The following TMPRSS15 variants were observed in gnomAD, a reference collection of about 807,000 sequenced individuals.
TMPRSS15 encodes transmembrane serine protease 15.
Under a neutral mutation model 125.3 loss-of-function variants are expected in TMPRSS15, and 128 were observed. That is an observed-to-expected ratio of 1.02 (90% CI 0.89 to 1.18). The LOEUF is 1.18. Among genes scored for constraint, TMPRSS15 ranks in the 50% most tolerant of loss-of-function variants. The pLI, the probability that TMPRSS15 is intolerant of heterozygous loss-of-function variation, is 0.00. For missense variants in TMPRSS15, 1,283 were observed against 1,212.7 expected (o/e 1.06, Z -0.86); for synonymous variants, 446 against 423.2 (o/e 1.05, Z -0.66).
rs1471713892 is a variant in TMPRSS15, at chr21:18,478,757, C to T, written c.10+7042G>A. 3.3e-5 allele frequency among the ~76,000 whole-genome samples: 5 copies of T among 151,956 alleles called. No individual in the cohort carries two copies. The South Asian group carries it at 8.3e-4, about 25-fold the overall frequency. On this transcript the variant is annotated intron_variant, in intron 1 of 7. Transcript: ENST00000422787. Reference sequence around the variant, plus strand: ...TTATAGATTCTTGGAAAGAACATGTCAGAGGTGAAGCAATCTTCTCACATT... The same window carrying T: ...TTATAGATTCTTGGAAAGAACATGTTAGAGGTGAAGCAATCTTCTCACATT...
intron 16 of TMPRSS15, among the ~76,000 whole-genome samples, chr21:18,323,356 A>C (rs959466330): frequency 1.3e-5 from 2 of 152,188 alleles, no homozygotes; most frequent in African/African-American, 4.8e-5. Flanking sequence ...AAAGAGGAGA[A>C]AGGCACATCT....
Position 18,421,327 on chromosome 21 carries a change from T to C in TMPRSS15, c.11-22998A>G, listed in dbSNP as rs62215020. 1.4e-3 allele frequency among the ~76,000 whole-genome samples: 220 copies of C among 152,290 alleles called. 3 individuals carry two copies. Among genetic ancestry groups the C allele is most frequent in the Non-Finnish European group, 1.7e-3 (118 of 68,024 alleles). On this transcript the variant is annotated intron_variant, in intron 1 of 7. Coordinates refer to the TMPRSS15 transcript ENST00000422787. ...TTTGCATAGAGGTTGAAAGTATTGGTTCTGGGTCTAATTTTTTGAGCTAAA... is the reference window on the plus strand; with the variant it reads ...TTTGCATAGAGGTTGAAAGTATTGGCTCTGGGTCTAATTTTTTGAGCTAAA...
chr21:18,294,173 TG>T, intron 21 of TMPRSS15, 96 bp downstream of exon 21: 1 of 1,414,136 alleles, frequency 7.1e-7, no homozygotes, highest in Non-Finnish European at 9.9e-7. Flanking sequence ...AGGATTTCCC[TG>T]GTGGGATGGT....
At chr21:18,373,157 G>T (rs1380780579) in intron 5 of TMPRSS15, among the ~76,000 whole-genome samples, 1 of 151,746 alleles carries the variant, frequency 6.6e-6, no homozygotes, top group African/African-American at 2.4e-5. Context: ...GCCATCTGCT[G>T]GGTTTTCAAA....
At chr21:18,448,663 T>G (rs1263384970) in intron 1 of TMPRSS15, among the ~76,000 whole-genome samples, 1 of 152,050 alleles carries the variant, frequency 6.6e-6, no homozygotes, top group African/African-American at 2.4e-5. Flanking sequence ...ATGGAAACAG[T>G]GTTGTTATAT....
At position 18,295,301 on chromosome 21, in the gene TMPRSS15, T is replaced by G. The variant is rs576617687; in HGVS notation, c.2262-649A>C. 2.6e-5 allele frequency among the ~76,000 whole-genome samples: 4 copies of G among 152,334 alleles called. No homozygotes were observed. In the East Asian group the frequency reaches 7.7e-4, roughly 29 times the overall value. ...CTTTTTTCAGTGTCAAGAATTCCAT[T>G]TTAAACAAAAACTAAGCAAATTTGT... On this transcript the variant is annotated intron_variant, in intron 19 of 24. Coordinates refer to ENST00000284885, the MANE Select transcript of TMPRSS15 (RefSeq NM_002772.3).
intron 1 of TMPRSS15, among the ~76,000 whole-genome samples, chr21:18,412,899 T>A (rs1037155660): frequency 1.5e-4 from 23 of 152,298 alleles, no homozygotes; most frequent in African/African-American, 5.5e-4. Context: ...CATAATAACA[T>A]GTTCAGTTAA....
In TMPRSS15 at chr21:18,294,377, T is replaced by G; in HGVS notation, c.2379A>C (p.Glu793Asp). The change falls in exon 21 of 25, where the codon GAA (glutamate) becomes GAC (aspartate). Residue 793 changes from glutamate (E) to aspartate (D), a missense_variant. Glu to Asp is a conservative substitution (Grantham distance 45). Coordinates refer to ENST00000284885, the MANE Select transcript of TMPRSS15 (RefSeq NM_002772.3). Reference protein sequence around the residue: ...PKIVGGSNAKEGAWPWVVGLY... With the variant: ...PKIVGGSNAKDGAWPWVVGLY... ...GACCCACAACCCAGGGCCAGGCCCC[T>G]TCTTTGGCATTACTTCCTCCAACAA... 6.2e-7 allele frequency: 1 copy of G among 1,614,252 alleles called. No individual in the cohort carries two copies. Among genetic ancestry groups the G allele is most frequent in the Non-Finnish European group, 8.5e-7 (1 of 1,180,040 alleles).
At chr21:18,364,347 G>C (rs2075706603) in intron 7 of TMPRSS15, among the ~76,000 whole-genome samples, 1 of 152,016 alleles carries the variant, frequency 6.6e-6, no homozygotes. Flanking sequence ...CTCTGTTGGG[G>C]AAATATTCAG....
At chr21:18,363,449 T>TAAAGACA (rs1368384203) in intron 7 of TMPRSS15, among the ~76,000 whole-genome samples, 1 of 152,140 alleles carries the variant, frequency 6.6e-6, no homozygotes. Context: ...ACCCTCTAAA[T>TAAAGACA]GTGACCTGTC....
rs773161368 is a variant in TMPRSS15 at position 18,341,558 on chromosome 21, A to G, written c.1429-10T>C. The G allele has an allele frequency of 6.2e-7, 1 of 1,613,964 alleles. No homozygotes were observed. Among genetic ancestry groups the G allele is most frequent in the South Asian group, 1.1e-5 (1 of 91,078 alleles). ...AAGCATTAAAAGCAACCTGCAATTC[A>G]GAGAGGCATATGAAACGATTTGATT... On this transcript the variant is annotated splice_polypyrimidine_tract_variant and intron_variant, in intron 12 of 24. Transcript: ENST00000284885.
intron 1 of TMPRSS15, among the ~76,000 whole-genome samples, chr21:18,435,022 T>C (rs1020000972): frequency 2.2e-4 from 33 of 152,294 alleles, no homozygotes; most frequent in Non-Finnish European, 3.7e-4. Context: ...ACCTCTACCT[T>C]GTATTTATAT....
At chr21:18,334,154 C>T (rs1431292527) in intron 13 of TMPRSS15, among the ~76,000 whole-genome samples, 2 of 152,130 alleles carry the variant, frequency 1.3e-5, no homozygotes, top group African/African-American at 2.4e-5. Context: ...ATGTAAGTCA[C>T]TTGAAATTCA....
At chr21:18,405,418 G>C (rs1157964841), upstream of TMPRSS15, among the ~76,000 whole-genome samples, 1 of 152,046 alleles carries the variant, frequency 6.6e-6, no homozygotes, top group Non-Finnish European at 1.5e-5. Context: ...ACAAACAGAT[G>C]AATGTGAAAA....
chr21:18,300,294 T>C (rs57453491), intron 18 of TMPRSS15, among the ~76,000 whole-genome samples: 6 of 121,456 alleles, frequency 4.9e-5, no homozygotes, highest in East Asian at 2.1e-4. Context: ...CTCTCTTTCT[T>C]TCTCTCTCTC....
At chr21:18,449,115 T>G (rs2076262017) in intron 1 of TMPRSS15, among the ~76,000 whole-genome samples, 1 of 152,210 alleles carries the variant, frequency 6.6e-6, no homozygotes, top group Non-Finnish European at 1.5e-5. Context: ...GCTCATTTTG[T>G]TCTTTCACTT....
At chr21:18,315,290 A>T (rs1047329184) in intron 16 of TMPRSS15, 34 bp from the exon 17 acceptor site, 4 of 1,543,550 alleles carry the variant, frequency 2.6e-6, no homozygotes, top group Non-Finnish European at 3.6e-6. Context: ...TATAGGATAA[A>T]GAAAACACAA....
intron 3 of TMPRSS15, among the ~76,000 whole-genome samples, chr21:18,389,000 C>A (rs1392897596): frequency 6.6e-6 from 1 of 151,158 alleles, no homozygotes; most frequent in Non-Finnish European, 1.5e-5. Flanking sequence ...GGTGTAGGGG[C>A]AGCTCCTGGG....
rs57033426 is a variant in TMPRSS15, at chr21:18,463,246, C to CAAAAAAAAAAAAAA, written c.10+22539_10+22552dup. On this transcript the variant is annotated intron_variant, in intron 1 of 7. Transcript: ENST00000422787. ...GAATATTTACCAAGCAAATGGAAAG[C>CAAAAAAAAAAAAAA]AAAAAAAAAAAAAAAAAAAAAAAAA... Among the ~76,000 whole-genome samples, 14 of 11,520 alleles carry CAAAAAAAAAAAAAA rather than the reference C, an allele frequency of 1.2e-3. 4 individuals are homozygous for CAAAAAAAAAAAAAA. The highest frequency in any genetic ancestry group is 2.6e-3 in the Admixed American group (1 of 390). 7.6% of individuals were successfully genotyped at this position (11,520 alleles called of 152,430 possible).
Sources: allele counts gnomAD v4.1 joint callset (sites outside exome capture counted in the v4.1 genomes callset), GRCh38; gene constraint gnomAD v4.1.1; transcripts MANE v1.5; gene names NCBI Gene and HGNC (gene_info 2026-07-23, HGNC 2026-07-21).